SWI5: variants seen among roughly 807,000 people sequenced by gnomAD.
The protein encoded by SWI5 is DNA repair protein SWI5 homolog.
SWI5 carries 12 observed loss-of-function variants against 17.0 expected under a neutral mutation model. That is an observed-to-expected ratio of 0.71 (90% CI 0.45 to 1.14). The LOEUF (loss-of-function observed/expected upper bound fraction) is 1.14. SWI5 is among the 50% of genes most tolerant of loss of function. SWI5 has a pLI of 0.00. For synonymous variants in SWI5, 61 were observed against 64.0 expected (o/e 0.95, Z 0.22); for missense variants, 158 against 162.2 (o/e 0.97, Z 0.14).
At chr9:128,286,744 A>G (rs1206877055) in intron 4 of SWI5, among the ~76,000 whole-genome samples, 2 of 152,126 alleles carry the variant, frequency 1.3e-5, no homozygotes, top group Non-Finnish European at 2.9e-5. Context: ...TGGGCCCCAG[A>G]GGAGGAGAGG....
exon 5 of SWI5, chr9:128,288,865 A>G: frequency 1.2e-6 from 1 of 805,172 alleles, no homozygotes; most frequent in Non-Finnish European, 2.0e-6. Context: ...AATCAGGAGG[A>G]GGCTAGAGAA....
upstream of SWI5, chr9:128,275,574 T>TG: frequency 8.9e-7 from 1 of 1,123,902 alleles, no homozygotes; most frequent in Non-Finnish European, 1.2e-6. Context: ...GCTGAATTGC[T>TG]GGGGTCCTAG....
chr9:128,278,925 A>C (rs1386069935), intron 2 of SWI5, among the ~76,000 whole-genome samples: 1 of 151,172 alleles, frequency 6.6e-6, no homozygotes, highest in Non-Finnish European at 1.5e-5. Flanking sequence ...GGTGCCCGCC[A>C]CCATGCCCGG....
At chr9:128,279,854 A>G (rs1224734547) in intron 2 of SWI5, among the ~76,000 whole-genome samples, 2 of 152,092 alleles carry the variant, frequency 1.3e-5, no homozygotes, top group Non-Finnish European at 2.9e-5. Context: ...AGACACTGGC[A>G]TTACCGCTTG....
chr9:128,275,360 C>T (rs938466377), upstream of SWI5: 7 of 1,261,578 alleles, frequency 5.5e-6, no homozygotes, highest in African/African-American at 1.1e-4. Context: ...TCACTACATT[C>T]CACTCCTAGG....
intron 2 of SWI5, among the ~76,000 whole-genome samples, chr9:128,278,187 T>A (rs981814576): frequency 1.3e-5 from 2 of 151,946 alleles, no homozygotes; most frequent in Non-Finnish European, 2.9e-5. Flanking sequence ...ACTCGTGAGC[T>A]CAAAGCAACC....
intron 2 of SWI5, among the ~76,000 whole-genome samples, chr9:128,278,962 G>GC (rs1312594497): frequency 2.9e-4 from 25 of 87,658 alleles, no homozygotes; most frequent in African/African-American, 2.0e-3. Context: ...TAGTAGAGAC[G>GC]GTTTTGCCAT....
chr9:128,276,112 C>A (rs113061832), upstream of SWI5: 782 of 1,568,634 alleles, frequency 5.0e-4, 3 homozygotes, highest in African/African-American at 9.5e-3. Context: ...GCCCATTGGT[C>A]AATGAGAAAT....
chr9:128,284,561 C>A, exon 3 of SWI5: 1 of 1,613,950 alleles, frequency 6.2e-7, no homozygotes, highest in Non-Finnish European at 8.5e-7. Context: ...GGAGTCTCTG[C>A]ACCTTGACAT....
chr9:128,283,158 T>C (rs1461393462), intron 2 of SWI5, among the ~76,000 whole-genome samples: 1 of 147,014 alleles, frequency 6.8e-6, no homozygotes. Flanking sequence ...CTACTAAAAA[T>C]ACAAAAAAAA....
intron 1 of SWI5, 136 bp from the exon 2 acceptor site, chr9:128,276,571 T>C (rs1588499557): frequency 6.3e-7 from 1 of 1,595,316 alleles, no homozygotes. Context: ...TGAGAGCGTG[T>C]CTGCCCCCTT....
Position 128,276,866 on chromosome 9 carries a change from T to TA in SWI5, c.111+112dup, listed in dbSNP as rs1270780479. On this transcript the variant is annotated intron_variant, in intron 2 of 4. Transcript: ENST00000418976. ...CCAATCCCCGCTTGGCCCTCTTCCATATCTTCTCCCAGTCGACTGAGAACC... is the reference window on the plus strand; with the variant it reads ...CCAATCCCCGCTTGGCCCTCTTCCATAATCTTCTCCCAGTCGACTGAGAACC... 16 of 1,146,030 alleles carry TA rather than the reference T, an allele frequency of 1.4e-5. No homozygotes were observed. The Admixed American group carries it at 1.5e-4, about 11-fold the overall frequency. The allele number at this position is 1,146,030 out of a possible 1,614,324, so 71.0% of individuals were successfully genotyped here.
At chr9:128,280,278 CA>C (rs767225242) in intron 2 of SWI5, among the ~76,000 whole-genome samples, 3 of 152,046 alleles carry the variant, frequency 2.0e-5, no homozygotes, top group Non-Finnish European at 4.4e-5. Flanking sequence ...CCAGTGCCCA[CA>C]ACCCTCCTAT....
chr9:128,288,821 A>G (rs1831690470), exon 5 of SWI5: 9 of 1,321,424 alleles, frequency 6.8e-6, no homozygotes, highest in South Asian at 3.7e-5. Context: ...CAGCGAGACA[A>G]TGCCAGAAGC....
intron 2 of SWI5, 145 bp from the exon 3 acceptor site, chr9:128,284,365 C>T: frequency 1.1e-6 from 1 of 895,644 alleles, no homozygotes; most frequent in South Asian, 2.0e-5. Context: ...CATCTAATTC[C>T]AAGGAAGGCT....
intron 4 of SWI5, 49 bp downstream of exon 4, chr9:128,286,082 T>C (rs998387858): frequency 3.5e-6 from 5 of 1,420,530 alleles, no homozygotes; most frequent in African/African-American, 1.4e-5. Flanking sequence ...TAGGGTGTCG[T>C]CTCGCCTAGG....
intron 2 of SWI5, among the ~76,000 whole-genome samples, chr9:128,277,756 G>C (rs971243226): frequency 3.3e-5 from 5 of 152,188 alleles, no homozygotes; most frequent in African/African-American, 9.7e-5. Flanking sequence ...GAGATGGCAG[G>C]GTCAGAGGCA....
intron 4 of SWI5, among the ~76,000 whole-genome samples, chr9:128,287,511 G>A (rs2131426083): frequency 6.7e-6 from 1 of 149,168 alleles, no homozygotes; most frequent in Middle Eastern, 3.6e-3. Context: ...ATCAGCATGA[G>A]GCCTGTCACT....
chr9:128,280,600 C>T (rs1000328117), intron 2 of SWI5, among the ~76,000 whole-genome samples: 1 of 152,022 alleles, frequency 6.6e-6, no homozygotes, highest in Admixed American at 6.6e-5. Flanking sequence ...TCACTGCAAC[C>T]GCTGCCTCCA....
Sources: allele counts gnomAD v4.1 joint callset (sites outside exome capture counted in the v4.1 genomes callset), GRCh38; gene constraint gnomAD v4.1.1; transcripts MANE v1.5; gene names NCBI Gene and HGNC (gene_info 2026-07-23, HGNC 2026-07-21).